FOXP2: variants seen among roughly 807,000 people sequenced by gnomAD.
FOXP2 encodes forkhead box P2.
FOXP2 carries 12 observed loss-of-function variants against 115.8 expected under a neutral mutation model. The observed-to-expected ratio is 0.10, with a 90% CI of 0.07 to 0.17. The LOEUF is 0.17. Among genes scored for constraint, FOXP2 ranks in the 10% least tolerant of loss-of-function variants. FOXP2 has a pLI of 1.00. For missense variants in FOXP2, 629 were observed against 843.5 expected (o/e 0.75, Z 3.15); for synonymous variants, 328 against 297.7 (o/e 1.10, Z -1.05).
chr7:114,303,652 T>A (rs1796930946), intron 2 of FOXP2, among the ~76,000 whole-genome samples: 1 of 152,194 alleles, frequency 6.6e-6, no homozygotes, highest in African/African-American at 2.4e-5. Flanking sequence ...CTATTTGTTG[T>A]CTGCCTTAGA....
At chr7:114,570,918 G>T (rs774797359) in intron 3 of FOXP2, 1 of 1,573,550 alleles carries the variant, frequency 6.4e-7, no homozygotes, top group Non-Finnish European at 8.7e-7. Context: ...TCAGCTACTA[G>T]GCACAAGGCC....
intron 3 of FOXP2, among the ~76,000 whole-genome samples, chr7:114,548,097 C>T (rs1800022099): frequency 6.6e-6 from 1 of 152,180 alleles, no homozygotes; most frequent in African/African-American, 2.4e-5. Flanking sequence ...CCCTATGTAG[C>T]TTTTGTCTTC....
chr7:114,678,547 CTTTTTTTTTTTTT>C (rs35525759), intron 16 of FOXP2, among the ~76,000 whole-genome samples: 3 of 48,410 alleles, frequency 6.2e-5, no homozygotes, highest in Non-Finnish European at 7.9e-5. Flanking sequence ...ATAAGTGACT[CTTTTTTTTTTTTT>C]TTTTTTTTTT....
chr7:114,595,998 G>A (rs181238965), intron 3 of FOXP2, among the ~76,000 whole-genome samples: 194 of 152,038 alleles, frequency 1.3e-3, no homozygotes, highest in African/African-American at 4.4e-3. Context: ...TAATAATAAG[G>A]AAATATTTCA....
intron 1 of FOXP2, among the ~76,000 whole-genome samples, chr7:114,203,561 C>T (rs1200287034): frequency 6.6e-6 from 1 of 152,008 alleles, no homozygotes; most frequent in Non-Finnish European, 1.5e-5. Context: ...CCAGGCTTGG[C>T]TCAAACTCCT....
chr7:114,288,766 A>G (rs1005851247), intron 2 of FOXP2, among the ~76,000 whole-genome samples: 3 of 151,864 alleles, frequency 2.0e-5, no homozygotes, highest in Admixed American at 1.3e-4. Context: ...GTTGAACTGT[A>G]ATATCAATCA....
intron 3 of FOXP2, chr7:114,560,939 C>G (rs1027011258): frequency 4.6e-5 from 7 of 152,180 alleles, no homozygotes; most frequent in Admixed American, 4.6e-4. Flanking sequence ...AAATACAAGG[C>G]AAAGCTAAGC....
chr7:114,274,962 T>C (rs1334305634), intron 1 of FOXP2, among the ~76,000 whole-genome samples: 1 of 152,072 alleles, frequency 6.6e-6, no homozygotes. Flanking sequence ...CTCAACACTT[T>C]AAATATTTCA....
intron 1 of FOXP2, among the ~76,000 whole-genome samples, chr7:114,095,649 A>G (rs377277103): frequency 1.3e-5 from 2 of 152,224 alleles, no homozygotes; most frequent in Non-Finnish European, 2.9e-5. Context: ...TGACGCTTCT[A>G]TCATTACCAT....
intron 6 of FOXP2, among the ~76,000 whole-genome samples, chr7:114,636,291 G>T (rs1008251762): frequency 6.6e-6 from 1 of 151,948 alleles, no homozygotes; most frequent in Non-Finnish European, 1.5e-5. Flanking sequence ...AATTATTCTG[G>T]CCATGTATGT....
At chr7:114,103,163 A>G (rs574580045) in intron 1 of FOXP2, among the ~76,000 whole-genome samples, 1 of 152,176 alleles carries the variant, frequency 6.6e-6, no homozygotes, top group South Asian at 2.1e-4. Flanking sequence ...CAGCATTGGC[A>G]GCATTAAGTA....
At chr7:114,297,804 G>A (rs1461692888) in intron 2 of FOXP2, among the ~76,000 whole-genome samples, 1 of 152,170 alleles carries the variant, frequency 6.6e-6, no homozygotes, top group Non-Finnish European at 1.5e-5. Flanking sequence ...ATGTTCCCTT[G>A]TGAGTGAACT....
chr7:114,632,748 T>C (rs998852320), intron 6 of FOXP2, among the ~76,000 whole-genome samples: 7 of 152,046 alleles, frequency 4.6e-5, no homozygotes, highest in African/African-American at 7.2e-5. Flanking sequence ...CTAATTCACC[T>C]GATTGAAGCA....
At chr7:114,659,325 C>A in intron 11 of FOXP2, 31 bp from the exon 12 acceptor site, 1 of 1,386,648 alleles carries the variant, frequency 7.2e-7, no homozygotes, top group Non-Finnish European at 1.0e-6. Context: ...GAATTATTAG[C>A]AGAATTAACA....
At chr7:114,137,685 A>T (rs1387896051) in intron 1 of FOXP2, among the ~76,000 whole-genome samples, 1 of 152,236 alleles carries the variant, frequency 6.6e-6, no homozygotes, top group Non-Finnish European at 1.5e-5. Flanking sequence ...ATGGGACAAG[A>T]TGTTAATCAA....
At position 114,114,242 on chromosome 7, in the gene FOXP2, C is replaced by T. The variant is rs188991871; in HGVS notation, c.-247+26404C>T. Among the ~76,000 whole-genome samples, 521 of 149,910 alleles carry T rather than the reference C, an allele frequency of 3.5e-3. 3 individuals carry two copies. Among genetic ancestry groups the T allele is most frequent in the African/African-American group, 0.012 (480 of 40,804 alleles). ...AAAAAGAAGAATATATATATATATACGCATATATACATATATGTGTATATA... is the reference window on the plus strand; with the variant it reads ...AAAAAGAAGAATATATATATATATATGCATATATACATATATGTGTATATA... On this transcript the variant is annotated intron_variant, in intron 1 of 19. Coordinates refer to the FOXP2 transcript ENST00000635638.
chr7:114,692,744 G>C lies in FOXP2; in HGVS notation c.*2818G>C, dbSNP rs532545326. ...TTGCTTCTATCATAAGCTGATTATG[G>C]GGACTATGATCTTTTGTATACAGCA... On this transcript the variant is annotated 3_prime_UTR_variant, in exon 17 of 17. Coordinates refer to ENST00000350908, the MANE Select transcript of FOXP2 (RefSeq NM_014491.4). The C allele has an allele frequency of 7.8e-4, 347 of 445,632 alleles. 5 individuals are homozygous for C. Among genetic ancestry groups the C allele is most frequent in the South Asian group, 4.2e-3 (262 of 62,340 alleles). 27.6% of individuals were successfully genotyped at this position (445,632 alleles called of 1,614,324 possible).
intron 1 of FOXP2, among the ~76,000 whole-genome samples, chr7:114,091,368 G>A (rs539640088): frequency 6.6e-6 from 1 of 151,848 alleles, no homozygotes; most frequent in East Asian, 1.9e-4. Context: ...TAAATTTAAG[G>A]GTATACAGTG....
At chr7:114,491,976 A>G (rs1797078812) in intron 2 of FOXP2, among the ~76,000 whole-genome samples, 1 of 152,172 alleles carries the variant, frequency 6.6e-6, no homozygotes, top group South Asian at 2.1e-4. Flanking sequence ...GAATAGTTTC[A>G]CAAGGAATGG....
Sources: gnomAD v4.1 joint callset for allele counts (sites outside exome capture counted in the v4.1 genomes callset) on GRCh38, gnomAD v4.1.1 for gene constraint, MANE v1.5 for transcripts, NCBI Gene and HGNC (gene_info 2026-07-23, HGNC 2026-07-21) for gene names.